The following RAD23B variants were observed in gnomAD, a reference collection of about 807,000 sequenced individuals.
RAD23B encodes the protein lysine-specific demethylase RAD23B.
A neutral mutation model predicts 49.1 loss-of-function variants in RAD23B; 5 were observed. The ratio of observed to expected loss-of-function variants is 0.10; its 90% CI spans 0.05 to 0.21. The LOEUF is 0.21. Ranked by LOEUF, RAD23B falls within the 10% of genes least tolerant of loss-of-function variation. The pLI, the probability that RAD23B is intolerant of heterozygous loss-of-function variation, is 1.00. For synonymous variants in RAD23B, 184 were observed against 165.4 expected (o/e 1.11, Z -0.86); for missense variants, 356 against 486.7 (o/e 0.73, Z 2.53).
chr9:107,304,857 T>C (rs1317942659), intron 3 of RAD23B, among the ~76,000 whole-genome samples: 1 of 152,188 alleles, frequency 6.6e-6, no homozygotes, highest in Admixed American at 6.5e-5. Flanking sequence ...TGCATATACC[T>C]TTTGACTTGC....
intron 5 of RAD23B, among the ~76,000 whole-genome samples, chr9:107,315,034 C>G (rs1228744554): frequency 1.3e-5 from 2 of 152,078 alleles, no homozygotes; most frequent in Non-Finnish European, 2.9e-5. Context: ...GATAATAGCA[C>G]TTTGTTAGAT....
intron 4 of RAD23B, among the ~76,000 whole-genome samples, chr9:107,307,042 T>G (rs1761662752): frequency 6.6e-6 from 1 of 152,196 alleles, no homozygotes; most frequent in Non-Finnish European, 1.5e-5. Flanking sequence ...GTCATATATA[T>G]CATAAGCATC....
intron 4 of RAD23B, among the ~76,000 whole-genome samples, 176 bp downstream of exon 4, chr9:107,306,823 T>C (rs1390407452): frequency 6.6e-6 from 1 of 152,158 alleles, no homozygotes; most frequent in African/African-American, 2.4e-5. Context: ...AAGGAGAATA[T>C]AAGTACAAAT....
rs1363710943 is a variant in RAD23B at position 107,330,717 on chromosome 9, A to G, written c.*1061A>G. On this transcript the variant is annotated 3_prime_UTR_variant, in exon 10 of 10. Coordinates refer to ENST00000358015, the MANE Select transcript of RAD23B (RefSeq NM_002874.5). The surrounding 1 kb of genome is among the most constrained non-coding windows in gnomAD (Gnocchi z 4.4). ...AGAGTGTATTACCATTAAAGTCATT[A>G]GTATAATATTGCTTTCAAAAAGAAA... 6.5e-6 allele frequency: 1 copy of G among 152,688 alleles called. No homozygotes were observed. Among genetic ancestry groups the G allele is most frequent in the Non-Finnish European group, 1.5e-5 (1 of 68,040 alleles). The allele number at this position is 152,688 out of a possible 1,614,324, so 9.5% of individuals were successfully genotyped here. A position where few individuals can be genotyped will look rare whatever the true frequency, so the allele number is the denominator to read the frequency against.
intron 6 of RAD23B, among the ~76,000 whole-genome samples, chr9:107,320,345 G>A (rs965693296): frequency 6.6e-6 from 1 of 152,134 alleles, no homozygotes; most frequent in African/African-American, 2.4e-5. Flanking sequence ...TTTATGGAGT[G>A]GCTTTCATTT....
chr9:107,293,775 C>G (rs1833431873), intron 1 of RAD23B, among the ~76,000 whole-genome samples: 1 of 152,058 alleles, frequency 6.6e-6, no homozygotes, highest in African/African-American at 2.4e-5. Flanking sequence ...CTAAATTTGT[C>G]GAATGAAAAA....
At chr9:107,305,125 C>CAA (rs752123015) in intron 3 of RAD23B, among the ~76,000 whole-genome samples, 1 of 136,500 alleles carries the variant, frequency 7.3e-6, no homozygotes, top group African/African-American at 2.7e-5. Flanking sequence ...CTTGTCTCTA[C>CAA]AAAAAAAAAA....
Position 107,322,042 on chromosome 9 carries a change from T to C in RAD23B, c.741T>C (p.Thr247=), listed in dbSNP as rs1166553909. 1.9e-6 allele frequency: 3 copies of C among 1,613,566 alleles called. No individual in the cohort carries two copies. In the African/African-American group the frequency reaches 4.0e-5, roughly 22 times the overall value. The change falls in exon 7 of 10, where the codon ACT becomes ACC. Residue 247 remains threonine (T), a synonymous_variant. Coordinates refer to ENST00000358015, the MANE Select transcript of RAD23B (RefSeq NM_002874.5). ...TTGACCCCCCTCAAGCAGCTAGTAC[T>C]GGGGCTCCTCAGTCTTCAGCAGTGG... The part of the protein sequence containing the change: ...AVVDPPQAAS[T]GAPQSSAVAA...
At chr9:107,290,227 T>C (rs1833353209) in intron 1 of RAD23B, among the ~76,000 whole-genome samples, 1 of 152,242 alleles carries the variant, frequency 6.6e-6, no homozygotes. Context: ...TTACTGTAGA[T>C]AGTTCTGAAT....
intron 4 of RAD23B, among the ~76,000 whole-genome samples, chr9:107,306,876 G>A (rs565292045): frequency 1.3e-5 from 2 of 151,032 alleles, no homozygotes; most frequent in Admixed American, 6.7e-5. Flanking sequence ...TGGGCAGGGT[G>A]GGGGGCAGTG....
In RAD23B at chr9:107,306,748, A is replaced by G. The variant is rs575309149; in HGVS notation, c.497+101A>G. On this transcript the variant is annotated intron_variant, in intron 4 of 9. Transcript: ENST00000358015. ...TGTTTTGATCAAACCGACTATATCT[A>G]TTACGTTAAGCTTTTTTTAAATGTT... is the stretch of plus-strand genomic sequence containing the variant. 50 of 1,299,858 alleles carry G rather than the reference A, an allele frequency of 3.8e-5. No homozygotes were observed. The East Asian group carries it at 7.8e-4, about 20-fold the overall frequency. 80.5% of individuals were successfully genotyped at this position (1,299,858 alleles called of 1,614,324 possible).
chr9:107,299,318 G>C (rs1056193277), intron 1 of RAD23B, among the ~76,000 whole-genome samples: 2 of 152,142 alleles, frequency 1.3e-5, no homozygotes, highest in Admixed American at 6.5e-5. Context: ...AGTAATGAAA[G>C]TAGTTCTATA....
intron 9 of RAD23B, among the ~76,000 whole-genome samples, chr9:107,328,016 C>T (rs572054402): frequency 3.3e-5 from 5 of 151,908 alleles, no homozygotes; most frequent in African/African-American, 9.7e-5. Flanking sequence ...TTTTGGTTAC[C>T]ATTTGCATAG....
chr9:107,283,577 C>A lies in RAD23B; in HGVS notation c.-53C>A. 1 of 1,430,136 alleles carries A rather than the reference C, an allele frequency of 7.0e-7. No individual in the cohort carries two copies. Among genetic ancestry groups the A allele is most frequent in the Non-Finnish European group, 9.3e-7 (1 of 1,076,320 alleles). The allele number at this position is 1,430,136 out of a possible 1,614,324, so 88.6% of individuals were successfully genotyped here. A position where few individuals can be genotyped will look rare whatever the true frequency, so the allele number is the denominator to read the frequency against. On this transcript the variant is annotated 5_prime_UTR_variant, in exon 1 of 10. Coordinates refer to ENST00000358015, the MANE Select transcript of RAD23B (RefSeq NM_002874.5). Reference sequence around the variant, plus strand: ...GGGCCCCGCCAGGCCACAGACCCCGCCCAGCGGCCAGCACCCGGCGCAGGC... The same window carrying A: ...GGGCCCCGCCAGGCCACAGACCCCGACCAGCGGCCAGCACCCGGCGCAGGC...
intron 6 of RAD23B, among the ~76,000 whole-genome samples, chr9:107,321,496 CT>C (rs10649057): frequency 2.0e-5 from 3 of 151,914 alleles, no homozygotes; most frequent in Admixed American, 6.6e-5. Context: ...ATCAAAACCT[CT>C]TTTTGGATTA....
intron 5 of RAD23B, among the ~76,000 whole-genome samples, chr9:107,314,132 T>G (rs552445957): frequency 2.6e-5 from 4 of 152,328 alleles, no homozygotes; most frequent in African/African-American, 9.6e-5. Context: ...GCAACTCTCA[T>G]GGGGTCTTTG....
intron 1 of RAD23B, among the ~76,000 whole-genome samples, chr9:107,288,573 G>C (rs2133062524): frequency 6.6e-6 from 1 of 152,232 alleles, no homozygotes; most frequent in African/African-American, 2.4e-5. Context: ...AGCCTCCCAA[G>C]TAGCTGGGAC....
intron 4 of RAD23B, among the ~76,000 whole-genome samples, chr9:107,309,756 C>T (rs1826851329): frequency 6.6e-6 from 1 of 151,872 alleles, no homozygotes; most frequent in African/African-American, 2.4e-5. Context: ...ACAGTGAAAC[C>T]CCGTCTCTAC....
intron 5 of RAD23B, among the ~76,000 whole-genome samples, chr9:107,313,515 T>G (rs1306205201): frequency 6.6e-6 from 1 of 152,214 alleles, no homozygotes; most frequent in Non-Finnish European, 1.5e-5. Flanking sequence ...TGAACCACAG[T>G]GCCCGGCCAG....
Sources: gnomAD v4.1 joint callset for allele counts (sites outside exome capture counted in the v4.1 genomes callset) on GRCh38, gnomAD v4.1.1 for gene constraint, Gnocchi (gnomAD v3.1) non-coding constraint, MANE v1.5 for transcripts, NCBI Gene and HGNC (gene_info 2026-07-23, HGNC 2026-07-21) for gene names.